MAP4: variants seen among roughly 807,000 people sequenced by gnomAD.
MAP4 encodes the protein microtubule-associated protein 4.
A neutral mutation model predicts 170.2 loss-of-function variants in MAP4; 76 were observed. That is an observed-to-expected ratio of 0.45 (90% CI 0.37 to 0.54). MAP4 has a LOEUF of 0.54. Ranked by LOEUF, MAP4 falls within the 20% of genes least tolerant of loss-of-function variation. The pLI is 0.00. For missense variants in MAP4, 2,506 were observed against 2,748.0 expected (o/e 0.91, Z 1.97); for synonymous variants, 909 against 994.5 (o/e 0.91, Z 1.62).
At chr3:47,953,354 C>G (rs1477723803) in intron 3 of MAP4, among the ~76,000 whole-genome samples, 1 of 152,070 alleles carries the variant, frequency 6.6e-6, no homozygotes, top group Non-Finnish European at 1.5e-5. Flanking sequence ...GAGACCCCAT[C>G]TCCACAAAAA....
intron 1 of MAP4, among the ~76,000 whole-genome samples, chr3:48,024,374 G>A (rs1377189472): frequency 6.6e-6 from 1 of 152,028 alleles, no homozygotes; most frequent in East Asian, 1.9e-4. Flanking sequence ...TGGCAAAGAT[G>A]GGGATTCTGT....
intron 1 of MAP4, among the ~76,000 whole-genome samples, chr3:48,080,555 T>C (rs1270938477): frequency 1.3e-5 from 2 of 152,132 alleles, no homozygotes; most frequent in Non-Finnish European, 2.9e-5. Context: ...GGAGTGAGAA[T>C]AGGTCATTTG....
chr3:48,087,745 GCACACACACACACACACA>G (rs1171639123), intron 1 of MAP4, among the ~76,000 whole-genome samples: 2 of 105,614 alleles, frequency 1.9e-5, no homozygotes, highest in Admixed American at 1.9e-4. Context: ...ACACGCACGC[GCACACACACACACACACA>G]CACACACACA....
intron 3 of MAP4, among the ~76,000 whole-genome samples, chr3:47,930,927 TAA>T (rs766820917): frequency 1.3e-4 from 13 of 99,986 alleles, no homozygotes; most frequent in Admixed American, 2.2e-4. Flanking sequence ...AGACTCTGTC[TAA>T]AAAAAAAAAA....
chr3:47,930,460 A>AC (rs2100049018), intron 3 of MAP4, among the ~76,000 whole-genome samples: 1 of 151,394 alleles, frequency 6.6e-6, no homozygotes, highest in South Asian at 2.1e-4. Flanking sequence ...TCAAAAAAAA[A>AC]AACAAACAAA....
intron 1 of MAP4, among the ~76,000 whole-genome samples, chr3:48,078,550 T>C (rs1413236370): frequency 2.6e-5 from 4 of 152,002 alleles, no homozygotes; most frequent in South Asian, 2.1e-4. Context: ...AAGATATACA[T>C]TGGGGAAAAC....
chr3:48,008,864 G>A (rs2100103801), intron 1 of MAP4, among the ~76,000 whole-genome samples: 1 of 152,138 alleles, frequency 6.6e-6, no homozygotes, highest in Admixed American at 6.5e-5. Context: ...ACTGCTGAGT[G>A]CCTAATTTGC....
chr3:47,871,333 T>C (rs756624072), intron 13 of MAP4, 47 bp from the exon 14 acceptor site: 2 of 1,424,588 alleles, frequency 1.4e-6, no homozygotes, highest in Non-Finnish European at 2.0e-6. Flanking sequence ...AACTGACCTG[T>C]TGGATAGTTC....
intron 3 of MAP4, among the ~76,000 whole-genome samples, chr3:47,956,160 A>G (rs2100067691): frequency 6.6e-6 from 1 of 152,126 alleles, no homozygotes; most frequent in African/African-American, 2.4e-5. Context: ...ATCTATCATC[A>G]AGTGAAAAAC....
At chr3:47,930,822 AGGAGGC>A (rs2100049351) in intron 3 of MAP4, among the ~76,000 whole-genome samples, 1 of 150,124 alleles carries the variant, frequency 6.7e-6, no homozygotes, top group African/African-American at 2.4e-5. Flanking sequence ...CCAGCTACTC[AGGAGGC>A]TGAGGCAGGA....
chr3:48,060,011 C>A (rs984228475), intron 1 of MAP4, among the ~76,000 whole-genome samples: 2 of 151,170 alleles, frequency 1.3e-5, no homozygotes, highest in Non-Finnish European at 2.9e-5. Context: ...CTCTCTTAAA[C>A]CTCTGGCCTT....
At chr3:47,968,097 A>T (rs2100076206) in intron 3 of MAP4, among the ~76,000 whole-genome samples, 1 of 152,230 alleles carries the variant, frequency 6.6e-6, no homozygotes, top group Admixed American at 6.5e-5. Flanking sequence ...TATCCTTGAG[A>T]AATGTAAAAA....
At position 47,911,007 on chromosome 3, in the gene MAP4, C is replaced by T; in HGVS notation, c.3414G>A (p.Val1138=). Residue 1138 remains valine (V), a synonymous_variant, in exon 9 of 21, where the codon GTG becomes GTA. Transcript: ENST00000683076. The surrounding 1 kb of genome is among the most constrained non-coding windows in gnomAD (Gnocchi z 4.0). ...GAGTCATCTCTTTAGGCTCCCCCAT[C>T]ACCACTGCCTCCGTGAGATCAGCCT... ...GTKADLTEAV[V]MGEPKEMTQP... 6.5e-7 allele frequency: 1 copy of T among 1,536,204 alleles called. No individual in the cohort carries two copies. The highest frequency in any genetic ancestry group is 8.7e-7 in the Non-Finnish European group (1 of 1,146,912).
chr3:47,945,467 T>C (rs2100059191), intron 3 of MAP4, among the ~76,000 whole-genome samples: 1 of 152,064 alleles, frequency 6.6e-6, no homozygotes, highest in Non-Finnish European at 1.5e-5. Flanking sequence ...GGACTGTGTC[T>C]TTCTCTTCAC....
At chr3:48,000,215 C>T (rs992053943) in intron 1 of MAP4, among the ~76,000 whole-genome samples, 1 of 114,212 alleles carries the variant, frequency 8.8e-6, no homozygotes, top group Non-Finnish European at 1.8e-5. Flanking sequence ...TCTCCGACTC[C>T]CCCATCAAAA....
Position 47,855,674 on chromosome 3 carries a change from G to A in MAP4, c.6584-314C>T, listed in dbSNP as rs952804109. Among the ~76,000 whole-genome samples the A allele has an allele frequency of 2.6e-5, 4 of 152,166 alleles. No individual in the cohort carries two copies. Among genetic ancestry groups the A allele is most frequent in the Non-Finnish European group, 2.9e-5 (2 of 68,030 alleles). On this transcript the variant is annotated intron_variant, in intron 18 of 20. Coordinates refer to ENST00000683076, the MANE Select transcript of MAP4 (RefSeq NM_001385682.1). This position sits in a 1 kb window ranked among gnomAD's most constrained non-coding sequence, Gnocchi z 5.1. ...GGGCTCCGAGCACAGCCTCCAGGGC[G>A]AAGCCTCTGCTTCTCTACTCTGTGT...
At chr3:47,925,948 G>A (rs1428262539) in intron 4 of MAP4, among the ~76,000 whole-genome samples, 3 of 152,040 alleles carry the variant, frequency 2.0e-5, no homozygotes, top group East Asian at 3.8e-4. Flanking sequence ...TCTGCCTCCC[G>A]GGCTCAAGTG....
Position 47,865,517 on chromosome 3 carries a change from G to T in MAP4, c.6501+1729C>A, listed in dbSNP as rs940787615. 5.0e-5 allele frequency among the ~76,000 whole-genome samples: 3 copies of T among 60,090 alleles called. No homozygotes were observed. In the East Asian group the frequency reaches 1.1e-3, roughly 22 times the overall value. 39.4% of individuals were successfully genotyped at this position (60,090 alleles called of 152,430 possible). ...ATGACCAGGAAGGAGGGGCAGGAAG[G>T]AGTTGTGTGGGGCAAGAATGAAAGC... is the stretch of plus-strand genomic sequence containing the variant. On this transcript the variant is annotated intron_variant, in intron 17 of 20. Coordinates refer to ENST00000683076, the MANE Select transcript of MAP4 (RefSeq NM_001385682.1).
At chr3:48,026,725 TTA>T (rs571647466) in intron 1 of MAP4, among the ~76,000 whole-genome samples, 5 of 152,210 alleles carry the variant, frequency 3.3e-5, no homozygotes, top group Non-Finnish European at 7.4e-5. Flanking sequence ...AGTTATGCCA[TTA>T]TCTTATGCAG....
Sources: allele counts gnomAD v4.1 joint callset (sites outside exome capture counted in the v4.1 genomes callset), GRCh38; gene constraint gnomAD v4.1.1; non-coding constraint Gnocchi (gnomAD v3.1); transcripts MANE v1.5; gene names NCBI Gene and HGNC (gene_info 2026-07-23, HGNC 2026-07-21).